Variants in SNX29 observed in about 807,000 individuals in gnomAD.
SNX29 encodes the protein sorting nexin-29.
In SNX29, 78 loss-of-function variants were observed where a neutral mutation model predicts 102.1. The observed-to-expected ratio is 0.76, with a 90% CI of 0.64 to 0.92. The LOEUF (loss-of-function observed/expected upper bound fraction) is 0.92, where lower values mean the gene tolerates loss of function less well. Among genes scored for constraint, SNX29 ranks in the 40% least tolerant of loss-of-function variants. SNX29 has a pLI of 0.00. For synonymous variants in SNX29, 580 were observed against 414.5 expected, an observed-to-expected ratio of 1.40 and a Z score of -4.85; for missense variants, 1,280 against 1,061.7, an observed-to-expected ratio of 1.21 and a Z score of -2.86.
intron 18 of SNX29, among the ~76,000 whole-genome samples, chr16:12,447,144 C>A (rs566453912): frequency 8.6e-6 from 1 of 116,044 alleles, no homozygotes; most frequent in African/African-American, 3.4e-5. Context: ...TCCAGCCTGG[C>A]GACAGAGGGA....
chr16:12,080,055 A>G (rs748075325), intron 11 of SNX29, among the ~76,000 whole-genome samples: 1 of 152,190 alleles, frequency 6.6e-6, no homozygotes, highest in Non-Finnish European at 1.5e-5. Context: ...TTTCCTGAAT[A>G]GGAGCCCATG....
rs1198875706 is a variant in SNX29 at position 12,569,116 on chromosome 16, G to A, written c.*487G>A. 4.9e-5 allele frequency: 2 copies of A among 40,932 alleles called. No homozygotes were observed. Among genetic ancestry groups the A allele is most frequent in the African/African-American group, 1.2e-4 (1 of 8,068 alleles). 2.5% of individuals were successfully genotyped at this position (40,932 alleles called of 1,614,324 possible). ...ACCTGGCCTAACCTAGGGATGGCTG[G>A]CTTTGCGGGGGGGGGGGGGGGGGGG... On this transcript the variant is annotated 3_prime_UTR_variant, in exon 21 of 21. Transcript: ENST00000566228.
chr16:12,446,934 G>A lies in SNX29; in HGVS notation c.2038-30785G>A, dbSNP rs545238470. 7.9e-5 allele frequency among the ~76,000 whole-genome samples: 12 copies of A among 152,062 alleles called. No individual in the cohort carries two copies. In the South Asian group the frequency reaches 2.1e-3, roughly 26 times the overall value. On this transcript the variant is annotated intron_variant, in intron 18 of 20. Transcript: ENST00000566228. Reference sequence around the variant, plus strand: ...AATCCCAGAACTTTGGGAGGTCAAGGTGGGCGGATCATTTGAGGTCAGGGG... The same window carrying A: ...AATCCCAGAACTTTGGGAGGTCAAGATGGGCGGATCATTTGAGGTCAGGGG...
chr16:12,050,978 C>G (rs2050275408), intron 7 of SNX29, among the ~76,000 whole-genome samples: 1 of 152,170 alleles, frequency 6.6e-6, no homozygotes, highest in East Asian at 1.9e-4. Context: ...GCCTTGACCT[C>G]CCAAAGTGCT....
At position 12,043,036 on chromosome 16, in the gene SNX29, G is replaced by A. The variant is rs755031790; in HGVS notation, c.387G>A (p.Glu129=). The change falls in exon 5 of 21, where the codon GAG becomes GAA. Residue 129 remains glutamate, a synonymous_variant. Coordinates refer to ENST00000566228, the MANE Select transcript of SNX29 (RefSeq NM_032167.5). Reference sequence around the variant, plus strand: ...GTGCCCTCAACGAACACTCCCTGGAGCGCTACCTGCACATGCTCCTGGCCG... The same window carrying A: ...GTGCCCTCAACGAACACTCCCTGGAACGCTACCTGCACATGCTCCTGGCCG... ...LRCALNEHSL[E]RYLHMLLADR... The A allele has an allele frequency of 1.2e-6, 2 of 1,613,524 alleles. No homozygotes were observed. Among genetic ancestry groups the A allele is most frequent in the Non-Finnish European group, 8.5e-7 (1 of 1,179,864 alleles).
At chr16:12,537,939 C>T (rs117590993) in intron 20 of SNX29, among the ~76,000 whole-genome samples, 4,916 of 148,608 alleles carry the variant, frequency 0.033, 115 homozygotes, top group Middle Eastern at 0.099. Context: ...GAGCTGAGAT[C>T]GTGCCACTGC....
At chr16:12,531,979 C>A (rs368537710) in intron 20 of SNX29, among the ~76,000 whole-genome samples, 2 of 152,144 alleles carry the variant, frequency 1.3e-5, no homozygotes, top group East Asian at 1.9e-4. Flanking sequence ...ATGTAGCAAT[C>A]ACAGTTTGGA....
At chr16:12,206,447 C>T (rs924347569) in intron 14 of SNX29, among the ~76,000 whole-genome samples, 1 of 149,358 alleles carries the variant, frequency 6.7e-6, no homozygotes, top group East Asian at 2.0e-4. Context: ...TGTTGTAAAT[C>T]CTCCTTCTAT....
chr16:12,246,998 A>G (rs552161010), intron 14 of SNX29, among the ~76,000 whole-genome samples: 1 of 152,322 alleles, frequency 6.6e-6, no homozygotes, highest in East Asian at 1.9e-4. Context: ...CTGTGTTGCT[A>G]GAACTCAGAG....
chr16:12,297,998 T>C (rs750691158), intron 15 of SNX29, among the ~76,000 whole-genome samples: 3 of 152,164 alleles, frequency 2.0e-5, no homozygotes, highest in Non-Finnish European at 2.9e-5. Flanking sequence ...GGCAAAAGCC[T>C]GTCTCTACTA....
rs201278555 is a variant in SNX29 at position 12,424,381 on chromosome 16, A to G, written c.2037+20852A>G. 3.3e-5 allele frequency among the ~76,000 whole-genome samples: 5 copies of G among 152,254 alleles called. No homozygotes were observed. In the East Asian group the frequency reaches 9.7e-4, roughly 29 times the overall value. On this transcript the variant is annotated intron_variant, in intron 18 of 20. Coordinates refer to ENST00000566228, the MANE Select transcript of SNX29 (RefSeq NM_032167.5). ...CTTCCACTGCATACTTTATATGGAA[A>G]ATTGAAGAGATAATTGAATAGGGAG...
At position 12,197,224 on chromosome 16, in the gene SNX29, T is replaced by G. The variant is rs1284736649; in HGVS notation, c.1596-2377T>G. Among the ~76,000 whole-genome samples the G allele has an allele frequency of 3.3e-5, 5 of 152,148 alleles. No homozygotes were observed. The East Asian group carries it at 9.6e-4, about 29-fold the overall frequency. On this transcript the variant is annotated intron_variant, in intron 13 of 20. Transcript: ENST00000566228. Reference sequence around the variant, plus strand: ...GTGACTTGAATTCACATGTGAAGATTGGGAGTAGGCTGGGCTGGGCAATGA... The same window carrying G: ...GTGACTTGAATTCACATGTGAAGATGGGGAGTAGGCTGGGCTGGGCAATGA...
At chr16:12,547,684 G>GC (rs776326353) in intron 20 of SNX29, among the ~76,000 whole-genome samples, 6 of 151,998 alleles carry the variant, frequency 3.9e-5, no homozygotes, top group Admixed American at 6.6e-5. Context: ...ATAAAACCTG[G>GC]CCCCCGCGTT....
chr16:12,295,443 C>T (rs1216585737), intron 15 of SNX29, among the ~76,000 whole-genome samples: 2 of 152,258 alleles, frequency 1.3e-5, no homozygotes, highest in Non-Finnish European at 2.9e-5. Context: ...AAACAACTCT[C>T]ACAACTTCCT....
chr16:12,386,678 C>T (rs1037331978), intron 16 of SNX29, among the ~76,000 whole-genome samples: 24 of 152,144 alleles, frequency 1.6e-4, no homozygotes, highest in African/African-American at 5.6e-4. Flanking sequence ...ATGGAAAACA[C>T]ATGGATGCAT....
intron 14 of SNX29, among the ~76,000 whole-genome samples, chr16:12,202,718 G>C (rs143708921): frequency 3.3e-5 from 5 of 152,320 alleles, no homozygotes; most frequent in African/African-American, 1.2e-4. Context: ...TTTCACTTAC[G>C]AGAGCAGGAG....
intron 1 of SNX29, among the ~76,000 whole-genome samples, chr16:11,979,042 G>C: frequency 6.6e-6 from 1 of 152,044 alleles, no homozygotes. Flanking sequence ...TTGGGAGGCA[G>C]ATGCAGGCTG....
intron 1 of SNX29, 92 bp downstream of exon 1, chr16:11,976,905 C>T: frequency 7.8e-7 from 1 of 1,282,092 alleles, no homozygotes; most frequent in Non-Finnish European, 9.9e-7. Flanking sequence ...CCTCGCGCCC[C>T]GCTCCCTCGC....
intron 14 of SNX29, among the ~76,000 whole-genome samples, chr16:12,262,294 G>A (rs2078798356): frequency 6.6e-6 from 1 of 152,188 alleles, no homozygotes. Context: ...AGGAGACCCA[G>A]GCTCTAGGAA....
Sources: gnomAD v4.1 joint callset for allele counts (sites outside exome capture counted in the v4.1 genomes callset) on GRCh38, gnomAD v4.1.1 for gene constraint, MANE v1.5 for transcripts, NCBI Gene and HGNC (gene_info 2026-07-23, HGNC 2026-07-21) for gene names.